The following OTULIN variants were observed in gnomAD, a reference collection of about 807,000 sequenced individuals.
The protein encoded by OTULIN is OTU deubiquitinase with linear linkage specificity, also known as ubiquitin thioesterase otulin.
A neutral mutation model predicts 39.6 loss-of-function variants in OTULIN; 15 were observed. The ratio of observed to expected loss-of-function variants is 0.38; its 90% confidence interval spans 0.25 to 0.58. The LOEUF (loss-of-function observed/expected upper bound fraction) is 0.58, where lower values mean the gene tolerates loss of function less well. OTULIN is among the 20% of genes least tolerant of loss of function. The probability of loss-of-function intolerance (pLI) is 0.66; values close to 1 mark genes in which losing one functional copy is unlikely to be tolerated. For missense variants in OTULIN, 319 were observed against 445.9 expected (o/e 0.72, Z 2.56); for synonymous variants, 156 against 170.3 (o/e 0.92, Z 0.65).
At chr5:14,667,274 T>C (rs1735873566) in intron 1 of OTULIN, among the ~76,000 whole-genome samples, 1 of 152,206 alleles carries the variant, frequency 6.6e-6, no homozygotes, top group South Asian at 2.1e-4. Context: ...ATTTCCTAGG[T>C]AGCACACTAG....
intron 4 of OTULIN, among the ~76,000 whole-genome samples, chr5:14,684,554 C>G (rs1248455121): frequency 1.3e-5 from 2 of 152,202 alleles, no homozygotes; most frequent in Admixed American, 1.3e-4. Context: ...ACTCTGGCCC[C>G]CCTGGCCCCA....
chr5:14,710,313 C>G, the OTULIN span: 1 of 152,226 alleles, frequency 6.6e-6, no homozygotes, highest in Non-Finnish European at 1.5e-5. Context: ...CTCCATGTGA[C>G]TCGCTCTAAT....
At position 14,691,261 on chromosome 5, in the gene OTULIN, C is replaced by CT. The variant is rs780671608; in HGVS notation, c.864+959dup. Among the ~76,000 whole-genome samples, 10 of 152,280 alleles carry CT rather than the reference C, an allele frequency of 6.6e-5. No individual in the cohort carries two copies. In the East Asian group the frequency reaches 1.2e-3, roughly 18 times the overall value. On this transcript the variant is annotated intron_variant, in intron 6 of 6. Coordinates refer to ENST00000284274, the MANE Select transcript of OTULIN (RefSeq NM_138348.6). Reference sequence around the variant, plus strand: ...CTTACATAATTGACTCTTGTGCCTGCTTTTTTCTAAAAAGGCCCAAGTGCC... The same window carrying CT: ...CTTACATAATTGACTCTTGTGCCTGCTTTTTTTCTAAAAAGGCCCAAGTGCC...
rs1252128358 is a variant in OTULIN, at chr5:14,664,935, C to G, written c.110C>G (p.Ala37Gly). ...GCGCGGGACGGCGGGAAGGCGGCGG[C>G]CAGCGGGCAGCCGCGGCCCGAGATG... Reference protein sequence around the residue: ...ATARDGGKAAASGQPRPEMQC... With the variant: ...ATARDGGKAAGSGQPRPEMQC... Residue 37 changes from alanine to glycine, a missense_variant, in exon 1 of 7, where the codon GCC becomes GGC. Coordinates refer to ENST00000284274, the MANE Select transcript of OTULIN (RefSeq NM_138348.6). The G allele has an allele frequency of 8.7e-7, 1 of 1,152,730 alleles. No individual in the cohort carries two copies. Among genetic ancestry groups the G allele is most frequent in the Non-Finnish European group, 1.1e-6 (1 of 937,938 alleles). The allele number at this position is 1,152,730 out of a possible 1,614,324, so 71.4% of individuals were successfully genotyped here.
At position 14,694,593 on chromosome 5, in the gene OTULIN, A is replaced by G. The variant is rs1205405419; in HGVS notation, c.*1545A>G. On this transcript the variant is annotated 3_prime_UTR_variant, in exon 7 of 7. Transcript: ENST00000284274. The stretch of plus-strand genomic sequence containing the variant: ...ATGTAAATTTTGTTTTTAATTAAAA[A>G]TAAAGTCTTAGTTAAGAAAACTCAG... The G allele has an allele frequency of 6.6e-6, 1 of 152,514 alleles. No individual in the cohort carries two copies. Among genetic ancestry groups the G allele is most frequent in the Non-Finnish European group, 1.5e-5 (1 of 68,050 alleles). 9.4% of individuals were successfully genotyped at this position (152,514 alleles called of 1,614,324 possible).
At chr5:14,713,748 T>C in the OTULIN span, 1 of 1,601,082 alleles carries the variant, frequency 6.2e-7, no homozygotes, top group South Asian at 1.1e-5. The surrounding 1 kb of genome is among the most constrained non-coding windows in gnomAD (Gnocchi z 4.4). Context: ...GGGCAGCACA[T>C]CCGAGAGCCA....
chr5:14,715,506 G>A, the OTULIN span, among the ~76,000 whole-genome samples: 1 of 152,276 alleles, frequency 6.6e-6, no homozygotes, highest in Non-Finnish European at 1.5e-5. Flanking sequence ...ATCTTTTGGG[G>A]AAACCGATTT....
downstream of OTULIN, among the ~76,000 whole-genome samples, chr5:14,701,943 G>A (rs1736803874): frequency 6.6e-6 from 1 of 152,186 alleles, no homozygotes; most frequent in Non-Finnish European, 1.5e-5. Flanking sequence ...GAATGGGTGT[G>A]TGGGTTGTGT....
chr5:14,681,734 G>A, intron 4 of OTULIN, 127 bp downstream of exon 4: 1 of 1,112,360 alleles, frequency 9.0e-7, no homozygotes, highest in South Asian at 1.8e-5. Context: ...CGTTTATTCA[G>A]TTTTGTGTGG....
At chr5:14,676,506 C>G (rs1373552824) in intron 2 of OTULIN, among the ~76,000 whole-genome samples, 2 of 152,248 alleles carry the variant, frequency 1.3e-5, no homozygotes, top group Non-Finnish European at 2.9e-5. Context: ...CCAACCCTCA[C>G]TACGCTACGT....
At chr5:14,678,071 A>G (rs968166569) in intron 2 of OTULIN, among the ~76,000 whole-genome samples, 4 of 152,128 alleles carry the variant, frequency 2.6e-5, no homozygotes, top group African/African-American at 9.7e-5. Flanking sequence ...GGTGAGTGGT[A>G]CAGAAAAATA....
chr5:14,687,371 C>T (rs993901577), intron 4 of OTULIN, 150 bp from the exon 5 acceptor site: 4 of 872,130 alleles, frequency 4.6e-6, no homozygotes, highest in Non-Finnish European at 5.0e-6. Flanking sequence ...TTTAGGTCCT[C>T]CATCCTAAGC....
Position 14,693,921 on chromosome 5 carries a change from G to A in OTULIN, c.*873G>A, listed in dbSNP as rs957639919. The A allele has an allele frequency of 6.6e-6, 1 of 152,174 alleles. No homozygotes were observed. The highest frequency in any genetic ancestry group is 1.5e-5 in the Non-Finnish European group (1 of 68,046). The allele number at this position is 152,174 out of a possible 1,614,324, so 9.4% of individuals were successfully genotyped here. ...TTGCCTTTGTGGTTTAGTGTTGGAA[G>A]CTTTAATTATTCTACAGTTCCATAG... On this transcript the variant is annotated 3_prime_UTR_variant, in exon 7 of 7. Transcript: ENST00000284274.
intron 3 of OTULIN, among the ~76,000 whole-genome samples, chr5:14,679,495 A>C (rs1171588680): frequency 1.3e-5 from 2 of 152,164 alleles, no homozygotes; most frequent in Non-Finnish European, 2.9e-5. Context: ...GACCTCTTGA[A>C]ACCTCTGGGT....
In OTULIN at chr5:14,664,968, C is replaced by T. The variant is rs1735793137; in HGVS notation, c.143C>T (p.Pro48Leu). The change falls in exon 1 of 7, where the codon CCG becomes CTG. Residue 48 changes from proline (P) to leucine (L), a missense_variant. Physicochemically the swap from Pro to Leu is moderately conservative, Grantham distance 98. Coordinates refer to ENST00000284274, the MANE Select transcript of OTULIN (RefSeq NM_138348.6). ...SGQPRPEMQCPAEHEEDMYRA... is the reference protein window; with the variant it reads ...SGQPRPEMQCLAEHEEDMYRA... ...CAGCCGCGGCCCGAGATGCAGTGCCCGGCCGAGCAGTGAGTCCGCGGGGGC... is the reference window on the plus strand; with the variant it reads ...CAGCCGCGGCCCGAGATGCAGTGCCTGGCCGAGCAGTGAGTCCGCGGGGGC... 5 of 1,088,170 alleles carry T rather than the reference C, an allele frequency of 4.6e-6. No homozygotes were observed. The highest frequency in any genetic ancestry group is 1.7e-5 in the African/African-American group (1 of 59,996). 67.4% of individuals were successfully genotyped at this position (1,088,170 alleles called of 1,614,324 possible). A position where few individuals can be genotyped will look rare whatever the true frequency, so the allele number is the denominator to read the frequency against.
chr5:14,684,716 G>C (rs1174933186), intron 4 of OTULIN, among the ~76,000 whole-genome samples: 2 of 152,224 alleles, frequency 1.3e-5, no homozygotes, highest in African/African-American at 4.8e-5. Flanking sequence ...GCATGTTGCT[G>C]TCTTCTCTGT....
chr5:14,676,053 C>G (rs1026165466), intron 2 of OTULIN, among the ~76,000 whole-genome samples: 4 of 152,194 alleles, frequency 2.6e-5, no homozygotes, highest in African/African-American at 9.7e-5. Context: ...TGGCCCGTTA[C>G]AGACAAAGAT....
rs1464792305 is a variant in OTULIN at position 14,693,060 on chromosome 5, T to C, written c.*12T>C. ...AGACCAGTCTATGAGAGACGCATGCTCCTGACAGCCTGGCGACGTGGCGAA... is the reference window on the plus strand; with the variant it reads ...AGACCAGTCTATGAGAGACGCATGCCCCTGACAGCCTGGCGACGTGGCGAA... On this transcript the variant is annotated 3_prime_UTR_variant, in exon 7 of 7. Transcript: ENST00000284274. 1 of 1,594,528 alleles carries C rather than the reference T, an allele frequency of 6.3e-7. No individual in the cohort carries two copies. The highest frequency in any genetic ancestry group is 1.3e-5 in the African/African-American group (1 of 74,590).
At chr5:14,711,270 TCTTCC>T in the OTULIN span, 2 of 1,614,004 alleles carry the variant, frequency 1.2e-6, no homozygotes, top group Non-Finnish European at 1.7e-6. Context: ...CATGGCAGAG[TCTTCC>T]CCCTCCGTGG....
Sources: allele counts gnomAD v4.1 joint callset (sites outside exome capture counted in the v4.1 genomes callset), GRCh38; gene constraint gnomAD v4.1.1; non-coding constraint Gnocchi (gnomAD v3.1); transcripts MANE v1.5; gene names NCBI Gene and HGNC (gene_info 2026-07-23, HGNC 2026-07-21).